NCKAP5L: variants seen among roughly 807,000 people sequenced by gnomAD.
NCKAP5L encodes NCK associated protein 5 like.
NCKAP5L carries 54 observed loss-of-function variants against 103.2 expected under a neutral mutation model. That is an observed-to-expected ratio of 0.52 (90% confidence interval 0.42 to 0.66). The LOEUF is 0.66. NCKAP5L is among the 30% of genes least tolerant of loss of function. The probability of loss-of-function intolerance (pLI) is 0.00; values close to 1 mark genes in which losing one functional copy is unlikely to be tolerated. For synonymous variants in NCKAP5L, 762 were observed against 748.6 expected (o/e 1.02, Z -0.29); for missense variants, 1,733 against 1,750.6 (o/e 0.99, Z 0.18).
At chr12:49,803,783 T>C in intron 3 of NCKAP5L, 139 bp downstream of exon 3, 5 of 1,155,902 alleles carry the variant, frequency 4.3e-6, no homozygotes, top group East Asian at 2.5e-5. Flanking sequence ...AATGTTCTGC[T>C]AGCCTCCTGC....
rs1346080283 is a variant in NCKAP5L at position 49,795,464 on chromosome 12, G to T, written c.2396C>A (p.Thr799Asn). The T allele has an allele frequency of 6.4e-7, 1 of 1,554,480 alleles. No individual in the cohort carries two copies. The highest frequency in any genetic ancestry group is 2.2e-5 in the East Asian group (1 of 44,530). Residue 799 changes from threonine (T) to asparagine (N), a missense_variant, in exon 8 of 13, where the codon ACC becomes AAC. Thr to Asn is a moderately conservative substitution (Grantham distance 65). Coordinates refer to ENST00000335999, the MANE Select transcript of NCKAP5L (RefSeq NM_001037806.4). ...GGGCTTGCCCAGGCTTGGGGCTGAG[G>T]TTGGCACTTTGGCAGGGGTACGGGG... The part of the protein sequence containing the change: ...QVPRTPAKVP[T>N]SAPSLGKPNK...
At chr12:49,819,391 G>C (rs1388529971) in intron 1 of NCKAP5L, among the ~76,000 whole-genome samples, 2 of 152,054 alleles carry the variant, frequency 1.3e-5, no homozygotes, top group Non-Finnish European at 2.9e-5. Flanking sequence ...GTACTCCCAT[G>C]TTTATTCATT....
intron 1 of NCKAP5L, among the ~76,000 whole-genome samples, chr12:49,827,936 G>T (rs1946438898): frequency 6.6e-6 from 1 of 152,250 alleles, no homozygotes; most frequent in African/African-American, 2.4e-5. Flanking sequence ...GCGGCACCCG[G>T]ACGGTGGGAT....
chr12:49,804,814 C>T (rs1255642982), intron 2 of NCKAP5L: 1 of 152,254 alleles, frequency 6.6e-6, no homozygotes, highest in African/African-American at 2.4e-5. Context: ...GGGAAGAGCA[C>T]CCTGAGAACA....
chr12:49,793,645 C>T, intron 9 of NCKAP5L, 89 bp downstream of exon 9: 1 of 1,439,048 alleles, frequency 6.9e-7, no homozygotes, highest in Non-Finnish European at 9.2e-7. Flanking sequence ...CACTCATGGT[C>T]TTGGGGAAGG....
At position 49,795,180 on chromosome 12, in the gene NCKAP5L, TCTC is replaced by T; in HGVS notation, c.2677_2679del (p.Glu893del). The T allele has an allele frequency of 1.9e-6, 3 of 1,602,570 alleles. No individual in the cohort carries two copies. The highest frequency in any genetic ancestry group is 2.6e-6 in the Non-Finnish European group (3 of 1,175,148). On this transcript the variant is annotated inframe_deletion, in exon 8 of 13. Transcript: ENST00000335999. ...TCCTGGCCCTGGAGCCGCAGCACGT[TCTC>T]CTCAATGCCCTTCATCACCTTCTCC...
Position 49,796,794 on chromosome 12 carries a change from C to G in NCKAP5L, c.1066G>C (p.Gly356Arg), listed in dbSNP as rs199789710. ...AAGPLNGDHP[G>R]PGQSSSPDQA... ...TCTGGGGAGGATGACTGCCCAGGAC[C>G]TGGGTGGTCCCCATTGAGTGGGCCT... Residue 356 changes from glycine (G) to arginine (R), a missense_variant, in exon 8 of 13, where the codon GGT (glycine) becomes CGT (arginine). By Grantham distance (125) the Gly-to-Arg change is moderately radical (BLOSUM62 -2). Transcript: ENST00000335999. The G allele has an allele frequency of 1.1e-4, 183 of 1,613,662 alleles. No homozygotes were observed. In the African/African-American group the frequency reaches 2.0e-3, roughly 18 times the overall value.
chr12:49,793,104 A>AG (rs974242022), intron 10 of NCKAP5L, 118 bp from the exon 11 acceptor site: 40 of 912,936 alleles, frequency 4.4e-5, no homozygotes, highest in Non-Finnish European at 5.8e-5. Flanking sequence ...CTGGCCCAAC[A>AG]GGCTCATTCC....
At chr12:49,822,302 T>C (rs1245676666) in intron 1 of NCKAP5L, among the ~76,000 whole-genome samples, 1 of 152,124 alleles carries the variant, frequency 6.6e-6, no homozygotes, top group Non-Finnish European at 1.5e-5. Flanking sequence ...GTTATAGCAG[T>C]TCAAACAGAC....
chr12:49,823,577 C>T (rs976956527), intron 1 of NCKAP5L, among the ~76,000 whole-genome samples: 1 of 152,014 alleles, frequency 6.6e-6, no homozygotes, highest in Admixed American at 6.5e-5. Context: ...CAGCACCTGT[C>T]ACTCAAGCCC....
Position 49,803,000 on chromosome 12 carries a change from G to T in NCKAP5L, c.193-4C>A. The T allele has an allele frequency of 6.2e-7, 1 of 1,614,248 alleles. No individual in the cohort carries two copies. Among genetic ancestry groups the T allele is most frequent in the Non-Finnish European group, 8.5e-7 (1 of 1,180,036 alleles). ...CCTGTACCACATGGTTGGCAACCTGGGGACAGAAAGCCCCGAGGCAGAGCC... is the reference window on the plus strand; with the variant it reads ...CCTGTACCACATGGTTGGCAACCTGTGGACAGAAAGCCCCGAGGCAGAGCC... On this transcript the variant is annotated splice_region_variant and splice_polypyrimidine_tract_variant and intron_variant, in intron 4 of 12. Transcript: ENST00000335999.
intron 1 of NCKAP5L, among the ~76,000 whole-genome samples, chr12:49,814,396 A>C (rs1289847375): frequency 6.7e-6 from 1 of 150,008 alleles, no homozygotes; most frequent in Non-Finnish European, 1.5e-5. Context: ...AGGCAGGAGA[A>C]CCGTGTGAAC....
chr12:49,797,455 C>A lies in NCKAP5L; in HGVS notation c.466-61G>T. On this transcript the variant is annotated intron_variant, in intron 7 of 12. Coordinates refer to ENST00000335999, the MANE Select transcript of NCKAP5L (RefSeq NM_001037806.4). This position sits in a 1 kb window ranked among gnomAD's most constrained non-coding sequence, Gnocchi z 4.5. ...CACACAGCTGGGATCCAGTTCCAGG[C>A]CCAGGCCCTGGGCTGGCTTAACAGG... is the stretch of plus-strand genomic sequence containing the variant. 7.6e-7 allele frequency: 1 copy of A among 1,317,908 alleles called. No individual in the cohort carries two copies. The allele number at this position is 1,317,908 out of a possible 1,614,324, so 81.6% of individuals were successfully genotyped here. A position where few individuals can be genotyped will look rare whatever the true frequency, so the allele number is the denominator to read the frequency against.
chr12:49,803,155 G>C lies in NCKAP5L; in HGVS notation c.134C>G (p.Ser45Trp). ...HRLRELEAEN[S>W]ALAQANENQR... ...GTTTTCGTTGGCCTGGGCAAGTGCC[G>C]AGTTCTCTGCCTGCAGGAGTGAGGG... Residue 45 changes from serine to tryptophan, a missense_variant, in exon 4 of 13, where the codon TCG becomes TGG. Physicochemically the swap from Ser to Trp is radical, Grantham distance 177. Coordinates refer to ENST00000335999, the MANE Select transcript of NCKAP5L (RefSeq NM_001037806.4). The C allele has an allele frequency of 6.2e-7, 1 of 1,614,224 alleles. No homozygotes were observed. Among genetic ancestry groups the C allele is most frequent in the Non-Finnish European group, 8.5e-7 (1 of 1,180,038 alleles).
In NCKAP5L at chr12:49,792,241, G is replaced by A. The variant is rs1169903733; in HGVS notation, c.3793-190C>T. The A allele has an allele frequency of 2.2e-5, 26 of 1,165,970 alleles. No individual in the cohort carries two copies. Among genetic ancestry groups the A allele is most frequent in the Non-Finnish European group, 3.1e-5 (25 of 810,808 alleles). 72.2% of individuals were successfully genotyped at this position (1,165,970 alleles called of 1,614,324 possible). A position where few individuals can be genotyped will look rare whatever the true frequency, so the allele number is the denominator to read the frequency against. The stretch of plus-strand genomic sequence containing the variant: ...GAACAGTCCTACAAGGTTCTGGGGA[G>A]GGACAGAAACCTTTCCCCACGAGAG... On this transcript the variant is annotated intron_variant, in intron 12 of 12. Coordinates refer to ENST00000335999, the MANE Select transcript of NCKAP5L (RefSeq NM_001037806.4). This position sits in a 1 kb window ranked among gnomAD's most constrained non-coding sequence, Gnocchi z 4.5.
rs890976294 is a variant in NCKAP5L, at chr12:49,793,508, G to A, written c.3259-75C>T. On this transcript the variant is annotated intron_variant, in intron 9 of 12. Coordinates refer to ENST00000335999, the MANE Select transcript of NCKAP5L (RefSeq NM_001037806.4). ...CCCTCCCCATGCCTCTAGAGGGTGG[G>A]AATGTGTCTGTAAACATATGAGAGT... The A allele has an allele frequency of 2.4e-5, 35 of 1,469,440 alleles. No individual in the cohort carries two copies. The African/African-American group carries it at 4.9e-4, about 20-fold the overall frequency. 91.0% of individuals were successfully genotyped at this position (1,469,440 alleles called of 1,614,324 possible). A position where few individuals can be genotyped will look rare whatever the true frequency, so the allele number is the denominator to read the frequency against.
intron 1 of NCKAP5L, among the ~76,000 whole-genome samples, chr12:49,806,763 G>C (rs2086725686): frequency 6.6e-6 from 1 of 152,224 alleles, no homozygotes; most frequent in Non-Finnish European, 1.5e-5. Flanking sequence ...AGGCTCCCTG[G>C]AGGCTAGAAA....
Position 49,795,818 on chromosome 12 carries a change from G to A in NCKAP5L, c.2042C>T (p.Ser681Leu), listed in dbSNP as rs778421738. The stretch of plus-strand genomic sequence containing the variant: ...CCTGGCTGGCACCCCATTCTTCTCT[G>A]AGCCCAGGGCCCCCTCGGGGCCTGT... ...LKTGPEGALG[S>L]EKNGVPARPG... Residue 681 changes from serine to leucine, a missense_variant, in exon 8 of 13, where the codon TCA (serine) becomes TTA (leucine). Ser to Leu is a moderately radical substitution (Grantham distance 145, BLOSUM62 -2). Coordinates refer to ENST00000335999, the MANE Select transcript of NCKAP5L (RefSeq NM_001037806.4). The A allele has an allele frequency of 4.5e-6, 7 of 1,569,456 alleles. 1 individual carries two copies. The Admixed American group carries it at 9.5e-5, about 21-fold the overall frequency.
chr12:49,791,661 C>T lies in NCKAP5L; in HGVS notation c.*178G>A, dbSNP rs1945935869. The stretch of plus-strand genomic sequence containing the variant: ...CTCTCCCTGAGCTGAGCACGGTCAT[C>T]TCATCCGCCGAAGCAGTGGGTGGTG... On this transcript the variant is annotated 3_prime_UTR_variant, in exon 13 of 13. Transcript: ENST00000335999. 1 of 564,240 alleles carries T rather than the reference C, an allele frequency of 1.8e-6. No individual in the cohort carries two copies. Among genetic ancestry groups the T allele is most frequent in the Non-Finnish European group, 3.1e-6 (1 of 325,260 alleles). 35.0% of individuals were successfully genotyped at this position (564,240 alleles called of 1,614,324 possible).
Sources: allele counts gnomAD v4.1 joint callset (sites outside exome capture counted in the v4.1 genomes callset), GRCh38; gene constraint gnomAD v4.1.1; non-coding constraint Gnocchi (gnomAD v3.1); transcripts MANE v1.5; gene names NCBI Gene and HGNC (gene_info 2026-07-23, HGNC 2026-07-21).